Variants in MAN1A2 observed in about 807,000 individuals in gnomAD.
MAN1A2 encodes mannosidase alpha class 1A member 2.
In MAN1A2, 26 loss-of-function variants were observed where a neutral mutation model predicts 75.7. The observed-to-expected ratio is 0.34, with a 90% confidence interval of 0.25 to 0.48. MAN1A2 has a LOEUF of 0.48. Ranked by LOEUF, MAN1A2 falls within the 20% of genes least tolerant of loss-of-function variation. MAN1A2 has a pLI of 0.99. For missense variants in MAN1A2, 562 were observed against 775.5 expected (o/e 0.72, Z 3.27); for synonymous variants, 247 against 264.6 (o/e 0.93, Z 0.65).
At chr1:117,380,567 A>G (rs556275364) in intron 1 of MAN1A2, among the ~76,000 whole-genome samples, 2 of 152,182 alleles carry the variant, frequency 1.3e-5, no homozygotes, top group African/African-American at 2.4e-5. Flanking sequence ...TAGAGGTCCA[A>G]ATTAATTATT....
chr1:117,516,680 A>G lies in MAN1A2; in HGVS notation c.1794-6145A>G, dbSNP rs1460255229. Among the ~76,000 whole-genome samples, 4 of 152,126 alleles carry G rather than the reference A, an allele frequency of 2.6e-5. No homozygotes were observed. The South Asian group carries it at 8.3e-4, about 31-fold the overall frequency. ...CAGTAATCTCTGAGAAACAGGAAACAAATGAAGTAAGCCCTGTAATTGCCC... is the reference window on the plus strand; with the variant it reads ...CAGTAATCTCTGAGAAACAGGAAACGAATGAAGTAAGCCCTGTAATTGCCC... On this transcript the variant is annotated intron_variant, in intron 12 of 12. Transcript: ENST00000356554.
chr1:117,493,218 A>G lies in MAN1A2; in HGVS notation c.1240A>G (p.Lys414Glu), dbSNP rs777461070. The change falls in exon 9 of 13, where the codon AAA becomes GAA. Residue 414 changes from lysine (K) to glutamate (E), a missense_variant. Lys to Glu is a moderately conservative substitution (Grantham distance 56, BLOSUM62 1). Around this residue, in one of 2 missense-constraint regions of MAN1A2, gnomAD observed 434 missense variants for 645.7 expected, o/e 0.67. Transcript: ENST00000356554. ...ACTGAAAGCATGGTTGATGTCAGATAAAACAGACCATGAGGCAAGAAAGAT... is the reference window on the plus strand; with the variant it reads ...ACTGAAAGCATGGTTGATGTCAGATGAAACAGACCATGAGGCAAGAAAGAT... The part of the protein sequence containing the change: ...YLLKAWLMSD[K>E]TDHEARKMYD... 2 of 1,612,360 alleles carry G rather than the reference A, an allele frequency of 1.2e-6. No individual in the cohort carries two copies. The highest frequency in any genetic ancestry group is 1.1e-5 in the South Asian group (1 of 91,034).
intron 6 of MAN1A2, among the ~76,000 whole-genome samples, chr1:117,445,280 A>G (rs1465268051): frequency 6.6e-6 from 1 of 152,152 alleles, no homozygotes; most frequent in African/African-American, 2.4e-5. Flanking sequence ...TTGAAATTAT[A>G]TGATGGATAT....
At position 117,504,113 on chromosome 1, in the gene MAN1A2, C is replaced by T. The variant is rs1651280303; in HGVS notation, c.1793+1143C>T. 2.0e-5 allele frequency among the ~76,000 whole-genome samples: 3 copies of T among 151,326 alleles called. No homozygotes were observed. In the South Asian group the frequency reaches 6.2e-4, roughly 31 times the overall value. On this transcript the variant is annotated intron_variant, in intron 12 of 12. Coordinates refer to ENST00000356554, the MANE Select transcript of MAN1A2 (RefSeq NM_006699.5). ...CTCAGTTTCCTACATCTAGATGTTTCTTATTCTGACTTATCCTTTGTGATT... is the reference window on the plus strand; with the variant it reads ...CTCAGTTTCCTACATCTAGATGTTTTTTATTCTGACTTATCCTTTGTGATT...
chr1:117,480,101 C>A (rs917016109), intron 8 of MAN1A2, among the ~76,000 whole-genome samples: 1 of 151,858 alleles, frequency 6.6e-6, no homozygotes, highest in Admixed American at 6.6e-5. Flanking sequence ...TCATGTGGTT[C>A]TTTCCATTGT....
chr1:117,502,899 C>A lies in MAN1A2; in HGVS notation c.1722C>A (p.Val574=). 6.2e-7 allele frequency: 1 copy of A among 1,607,892 alleles called. No individual in the cohort carries two copies. The highest frequency in any genetic ancestry group is 1.1e-5 in the South Asian group (1 of 90,718). ...GAGTTAATGGTGGGTTTTCTGGAGT[C>A]AAAGATGTATATTCCTCTACTCCTA... The part of the protein sequence containing the change: ...YCRVNGGFSG[V]KDVYSSTPTH... Residue 574 remains valine, a synonymous_variant, in exon 12 of 13, where the codon GTC becomes GTA. Coordinates refer to ENST00000356554, the MANE Select transcript of MAN1A2 (RefSeq NM_006699.5).
At chr1:117,502,803 T>C in intron 11 of MAN1A2, 52 bp from the exon 12 acceptor site, 6 of 969,858 alleles carry the variant, frequency 6.2e-6, no homozygotes, top group South Asian at 2.8e-5. Flanking sequence ...TTGTTGTCCT[T>C]CAAAACTTGA....
At chr1:117,480,968 C>A (rs1164798060) in intron 8 of MAN1A2, among the ~76,000 whole-genome samples, 3 of 151,820 alleles carry the variant, frequency 2.0e-5, no homozygotes, top group Non-Finnish European at 4.4e-5. Context: ...CAACCCCACC[C>A]AGATGACCTA....
chr1:117,481,980 GC>G (rs1178683167), intron 8 of MAN1A2, among the ~76,000 whole-genome samples: 1 of 151,720 alleles, frequency 6.6e-6, no homozygotes, highest in Non-Finnish European at 1.5e-5. Flanking sequence ...GACAAAATTT[GC>G]CCTATATATT....
chr1:117,503,570 G>A (rs989583844), intron 12 of MAN1A2, among the ~76,000 whole-genome samples: 3 of 151,602 alleles, frequency 2.0e-5, no homozygotes, highest in African/African-American at 7.3e-5. Context: ...AAGAGATGGA[G>A]ATTGTAAATA....
At chr1:117,441,287 C>T (rs1649022836) in intron 5 of MAN1A2, among the ~76,000 whole-genome samples, 3 of 152,068 alleles carry the variant, frequency 2.0e-5, no homozygotes, top group Admixed American at 2.0e-4. Flanking sequence ...ATAATATAAT[C>T]TCAACTCAAA....
At chr1:117,497,026 C>G in intron 10 of MAN1A2, 44 bp downstream of exon 10, 1 of 1,489,536 alleles carries the variant, frequency 6.7e-7, no homozygotes, top group Non-Finnish European at 9.1e-7. Context: ...AAAATAATCT[C>G]TAAGTTAAAA....
Position 117,442,913 on chromosome 1 carries a change from TTAGAAA to T in MAN1A2, c.950+593_950+598del, listed in dbSNP as rs556350772. ...CTAATCGAAAACATTGGTTTTTTAC[TTAGAAA>T]TAGATGAAATGTTTTCTTTGGACAA... On this transcript the variant is annotated intron_variant, in intron 6 of 12. Transcript: ENST00000356554. 1.6e-3 allele frequency among the ~76,000 whole-genome samples: 237 copies of T among 152,300 alleles called. 1 individual carries two copies. Among genetic ancestry groups the T allele is most frequent in the Non-Finnish European group, 8.7e-4 (59 of 68,016 alleles).
At chr1:117,380,561 G>A (rs996394432) in intron 1 of MAN1A2, among the ~76,000 whole-genome samples, 1 of 152,092 alleles carries the variant, frequency 6.6e-6, no homozygotes, top group Non-Finnish European at 1.5e-5. Flanking sequence ...GTGAGATAGA[G>A]GTCCAAATTA....
intron 2 of MAN1A2, among the ~76,000 whole-genome samples, 196 bp downstream of exon 2, chr1:117,402,637 G>A (rs114604886): frequency 1.9e-3 from 285 of 151,228 alleles, no homozygotes; most frequent in Non-Finnish European, 1.9e-3. Context: ...GTAATTATTG[G>A]ACACTTAAAA....
intron 5 of MAN1A2, among the ~76,000 whole-genome samples, chr1:117,439,068 A>G (rs1028879452): frequency 2.0e-5 from 3 of 152,228 alleles, no homozygotes; most frequent in African/African-American, 7.2e-5. Context: ...TTGTAAGAAC[A>G]TTTAATAGGC....
At chr1:117,497,322 A>T (rs1303704999) in intron 10 of MAN1A2, among the ~76,000 whole-genome samples, 1 of 152,032 alleles carries the variant, frequency 6.6e-6, no homozygotes, top group Non-Finnish European at 1.5e-5. Context: ...TTAAAAGAAC[A>T]TAAAATTGAC....
chr1:117,417,379 C>T (rs1438815732), intron 4 of MAN1A2, among the ~76,000 whole-genome samples: 4 of 151,054 alleles, frequency 2.6e-5, no homozygotes, highest in Non-Finnish European at 4.4e-5. Context: ...GGTCTTTCAT[C>T]TTTGTTTTGC....
rs1652822968 is a variant in MAN1A2, at chr1:117,367,924, GTAA to G, written c.-255_-253del. 2.3e-6 allele frequency: 1 copy of G among 427,720 alleles called. No individual in the cohort carries two copies. Among genetic ancestry groups the G allele is most frequent in the Non-Finnish European group, 4.2e-6 (1 of 240,560 alleles). The allele number at this position is 427,720 out of a possible 1,614,324, so 26.5% of individuals were successfully genotyped here. ...ACCCCTAGGAATGAAGAGGAGGCTT[GTAA>G]TAATCCGATGAAGTACAGATGTTGA... On this transcript the variant is annotated 5_prime_UTR_variant, in exon 1 of 13. Coordinates refer to ENST00000356554, the MANE Select transcript of MAN1A2 (RefSeq NM_006699.5).
Sources: allele counts gnomAD v4.1 joint callset (sites outside exome capture counted in the v4.1 genomes callset), GRCh38; gene constraint gnomAD v4.1.1; regional missense constraint gnomAD v4.1.1; transcripts MANE v1.5; gene names NCBI Gene and HGNC (gene_info 2026-07-23, HGNC 2026-07-21).